DSCAM: variants seen among roughly 807,000 people sequenced by gnomAD.
The protein encoded by DSCAM is cell adhesion molecule DSCAM.
Under a neutral mutation model 217.7 loss-of-function variants are expected in DSCAM, and 47 were observed. That is an observed-to-expected ratio of 0.22 (90% CI 0.17 to 0.28). The LOEUF (loss-of-function observed/expected upper bound fraction) is 0.28, where lower values mean the gene tolerates loss of function less well. Among genes scored for constraint, DSCAM ranks in the 10% least tolerant of loss-of-function variants. The probability of loss-of-function intolerance (pLI) is 1.00; values close to 1 mark genes in which losing one functional copy is unlikely to be tolerated. For missense variants in DSCAM, 2,080 were observed against 2,618.3 expected, an observed-to-expected ratio of 0.79 and a Z score of 4.49; for synonymous variants, 1,056 against 1,015.3, an observed-to-expected ratio of 1.04 and a Z score of -0.76.
At position 40,502,290 on chromosome 21, in the gene DSCAM, T is replaced by G. The variant is rs1003763425; in HGVS notation, c.509-133045A>C. Among the ~76,000 whole-genome samples the G allele has an allele frequency of 3.9e-5, 6 of 152,166 alleles. No homozygotes were observed. In the South Asian group the frequency reaches 1.2e-3, roughly 32 times the overall value. On this transcript the variant is annotated intron_variant, in intron 3 of 32. Transcript: ENST00000400454. ...AAATTTGCTATGGACACAAATCTAG[T>G]GTGTCATTTAATAAATTAATCAAGA... is the stretch of plus-strand genomic sequence containing the variant.
At chr21:40,529,295 G>A (rs1227360514) in intron 3 of DSCAM, among the ~76,000 whole-genome samples, 2 of 152,136 alleles carry the variant, frequency 1.3e-5, no homozygotes, top group African/African-American at 4.8e-5. Context: ...GTGCTCTCCA[G>A]TGCTAAGAGG....
intron 2 of DSCAM, among the ~76,000 whole-genome samples, chr21:40,698,475 T>C (rs73905064): frequency 0.13 from 19,270 of 152,156 alleles, 1,360 homozygotes; most frequent in East Asian, 0.23. Context: ...TAGTACTCAA[T>C]CAATGAGGAA....
chr21:40,261,682 C>T (rs2073453800), intron 11 of DSCAM, among the ~76,000 whole-genome samples: 1 of 151,450 alleles, frequency 6.6e-6, no homozygotes, highest in Non-Finnish European at 1.5e-5. Flanking sequence ...CACACACACA[C>T]ACACATTCTT....
intron 3 of DSCAM, among the ~76,000 whole-genome samples, chr21:40,660,866 C>G (rs1382498325): frequency 6.6e-6 from 1 of 152,168 alleles, no homozygotes; most frequent in Non-Finnish European, 1.5e-5. Flanking sequence ...AAACATACAT[C>G]TCAATAACTG....
chr21:40,771,660 A>C (rs998027674), intron 1 of DSCAM, among the ~76,000 whole-genome samples: 1 of 152,216 alleles, frequency 6.6e-6, no homozygotes, highest in Middle Eastern at 3.2e-3. Flanking sequence ...ATCAAGAGCC[A>C]GCGAAAGGAA....
intron 1 of DSCAM, among the ~76,000 whole-genome samples, chr21:40,734,597 C>G (rs201369264): frequency 3.3e-5 from 5 of 152,124 alleles, no homozygotes; most frequent in African/African-American, 1.2e-4. Context: ...TCTGCTTCTT[C>G]GAATGTAAAT....
intron 1 of DSCAM, among the ~76,000 whole-genome samples, chr21:40,731,335 T>C (rs911673700): frequency 3.9e-5 from 6 of 152,218 alleles, no homozygotes. Flanking sequence ...AGACACTGCA[T>C]GATCTCATGG....
chr21:40,364,314 G>T (rs1343736018), intron 4 of DSCAM, among the ~76,000 whole-genome samples: 1 of 152,116 alleles, frequency 6.6e-6, no homozygotes, highest in Non-Finnish European at 1.5e-5. Context: ...TTAAGAAAAA[G>T]TGGCACATAT....
intron 3 of DSCAM, among the ~76,000 whole-genome samples, chr21:40,400,682 T>C (rs2075225629): frequency 6.6e-6 from 1 of 152,178 alleles, no homozygotes; most frequent in African/African-American, 2.4e-5. Flanking sequence ...CTCCCAAAGC[T>C]TTGGGATTAC....
chr21:40,264,936 C>T (rs755881793), intron 11 of DSCAM, among the ~76,000 whole-genome samples: 7 of 152,250 alleles, frequency 4.6e-5, no homozygotes, highest in Middle Eastern at 3.4e-3. Context: ...TGGTGGCTCA[C>T]GCCTGACTTT....
intron 3 of DSCAM, among the ~76,000 whole-genome samples, chr21:40,483,022 T>C (rs1393791497): frequency 1.3e-5 from 2 of 152,384 alleles, no homozygotes; most frequent in South Asian, 2.1e-4. Flanking sequence ...GCTTTTTATA[T>C]ACTGATCATC....
At chr21:40,196,605 A>T (rs1371079227) in intron 11 of DSCAM, among the ~76,000 whole-genome samples, 1 of 139,848 alleles carries the variant, frequency 7.2e-6, no homozygotes, top group Non-Finnish European at 1.5e-5. Flanking sequence ...CTTTCCCTCT[A>T]TCCTTCTGTT....
intron 1 of DSCAM, among the ~76,000 whole-genome samples, chr21:40,832,313 CAAA>C (rs2092018033): frequency 1.3e-5 from 2 of 152,202 alleles, no homozygotes; most frequent in Non-Finnish European, 2.9e-5. Flanking sequence ...GAGTGCGAAT[CAAA>C]TGGTCACTCA....
At position 40,760,077 on chromosome 21, in the gene DSCAM, T is replaced by A. The variant is rs547323802; in HGVS notation, c.44-51306A>T. ...GGCAGGATCTTGGCTCACTGCAACC[T>A]CCACCCCCCAGGTTCAAGCAACTCT... On this transcript the variant is annotated intron_variant, in intron 1 of 32. Transcript: ENST00000400454. Among the ~76,000 whole-genome samples, 12 of 151,948 alleles carry A rather than the reference T, an allele frequency of 7.9e-5. No homozygotes were observed. In the South Asian group the frequency reaches 1.2e-3, roughly 16 times the overall value.
Position 40,518,528 on chromosome 21 carries a change from T to A in DSCAM, c.509-149283A>T, listed in dbSNP as rs57351415. Among the ~76,000 whole-genome samples, 54 of 39,054 alleles carry A rather than the reference T, an allele frequency of 1.4e-3. 11 individuals are homozygous for A. The highest frequency in any genetic ancestry group is 7.7e-3 in the African/African-American group (40 of 5,186). The allele number at this position is 39,054 out of a possible 152,430, so 25.6% of individuals were successfully genotyped here. A position where few individuals can be genotyped will look rare whatever the true frequency, so the allele number is the denominator to read the frequency against. On this transcript the variant is annotated intron_variant, in intron 3 of 32. Coordinates refer to ENST00000400454, the MANE Select transcript of DSCAM (RefSeq NM_001389.5). ...ATATATAATATATATAATATATATT[T>A]TATATATATATATGTACACACACAT... is the stretch of plus-strand genomic sequence containing the variant.
chr21:40,263,487 G>T (rs2073481329), intron 11 of DSCAM, among the ~76,000 whole-genome samples: 3 of 152,108 alleles, frequency 2.0e-5, no homozygotes, highest in Non-Finnish European at 4.4e-5. Context: ...AATCAAGATG[G>T]AAATTTAAAT....
chr21:40,635,267 A>G (rs2089742525), intron 3 of DSCAM, among the ~76,000 whole-genome samples: 1 of 152,182 alleles, frequency 6.6e-6, no homozygotes, highest in South Asian at 2.1e-4. Flanking sequence ...GAGGGATGTC[A>G]GCAGGAGGGA....
chr21:40,830,115 C>T (rs750191995), intron 1 of DSCAM, among the ~76,000 whole-genome samples: 5 of 152,102 alleles, frequency 3.3e-5, no homozygotes, highest in East Asian at 1.9e-4. Flanking sequence ...TAAAGAAAGG[C>T]GGTTTCATTG....
chr21:40,061,881 A>G (rs1645338788), intron 28 of DSCAM, among the ~76,000 whole-genome samples: 1 of 152,194 alleles, frequency 6.6e-6, no homozygotes, highest in South Asian at 2.1e-4. Flanking sequence ...AAATCATCCT[A>G]AACTGGCAAT....
Sources: gnomAD v4.1 joint callset for allele counts (sites outside exome capture counted in the v4.1 genomes callset) on GRCh38, gnomAD v4.1.1 for gene constraint, MANE v1.5 for transcripts, NCBI Gene and HGNC (gene_info 2026-07-23, HGNC 2026-07-21) for gene names.